The following ARHGAP15 variants were observed in gnomAD, a reference collection of about 807,000 sequenced individuals.
The protein encoded by ARHGAP15 is Rho GTPase activating protein 15, also known as rho GTPase-activating protein 15.
A neutral mutation model predicts 63.7 loss-of-function variants in ARHGAP15; 51 were observed. The ratio of observed to expected loss-of-function variants is 0.80; its 90% CI spans 0.64 to 1.01. The LOEUF (loss-of-function observed/expected upper bound fraction) is 1.01. ARHGAP15 is among the 50% of genes least tolerant of loss of function. ARHGAP15 has a pLI of 0.00. For missense variants in ARHGAP15, 560 were observed against 564.6 expected (o/e 0.99, Z 0.08); for synonymous variants, 191 against 193.8 (o/e 0.99, Z 0.12).
At chr2:143,355,106 G>A (rs1285949066) in intron 6 of ARHGAP15, among the ~76,000 whole-genome samples, 1 of 152,070 alleles carries the variant, frequency 6.6e-6, no homozygotes, top group Non-Finnish European at 1.5e-5. Flanking sequence ...CTCCAGTTTT[G>A]GCTTAAGTAA....
intron 2 of ARHGAP15, among the ~76,000 whole-genome samples, chr2:143,182,824 C>T (rs1317005605): frequency 2.0e-5 from 3 of 152,026 alleles, no homozygotes; most frequent in Non-Finnish European, 1.5e-5. Flanking sequence ...TAACAGGGCA[C>T]CTACTAAGTA....
intron 3 of ARHGAP15, among the ~76,000 whole-genome samples, chr2:143,215,321 G>A (rs565835319): frequency 6.6e-6 from 1 of 152,232 alleles, no homozygotes; most frequent in Admixed American, 6.5e-5. Context: ...GCCCAGGCTG[G>A]TGTCAAACTC....
intron 1 of ARHGAP15, among the ~76,000 whole-genome samples, chr2:143,150,048 G>C (rs1689755423): frequency 1.3e-5 from 2 of 151,912 alleles, no homozygotes; most frequent in African/African-American, 2.4e-5. Context: ...AGGATGCTGG[G>C]GGGTGTGGGC....
chr2:143,309,202 T>C (rs765753600), intron 6 of ARHGAP15, among the ~76,000 whole-genome samples: 1 of 152,094 alleles, frequency 6.6e-6, no homozygotes, highest in Non-Finnish European at 1.5e-5. Context: ...ACCTCTATTT[T>C]TAAAATTTAG....
intron 12 of ARHGAP15, among the ~76,000 whole-genome samples, chr2:143,698,113 A>G (rs891950919): frequency 6.6e-6 from 1 of 152,176 alleles, no homozygotes; most frequent in Non-Finnish European, 1.5e-5. Flanking sequence ...TACATTGATT[A>G]CTGGGATAAA....
chr2:143,340,500 C>T (rs1243191478), intron 6 of ARHGAP15, among the ~76,000 whole-genome samples: 2 of 149,424 alleles, frequency 1.3e-5, no homozygotes, highest in South Asian at 2.1e-4. Context: ...TGATTTTATC[C>T]TAAATTTTTA....
intron 10 of ARHGAP15, among the ~76,000 whole-genome samples, chr2:143,549,685 G>A (rs548463307): frequency 1.4e-4 from 22 of 152,300 alleles, no homozygotes; most frequent in African/African-American, 5.1e-4. Flanking sequence ...AAAAGTTGCT[G>A]GCATCTGAGA....
chr2:143,289,238 G>A (rs983522039), intron 6 of ARHGAP15, among the ~76,000 whole-genome samples: 10 of 152,124 alleles, frequency 6.6e-5, no homozygotes, highest in African/African-American at 2.4e-4. Flanking sequence ...GATGGATCTG[G>A]GCTATGACAA....
chr2:143,254,745 CTA>C (rs1271899722), intron 6 of ARHGAP15, among the ~76,000 whole-genome samples: 2 of 151,992 alleles, frequency 1.3e-5, no homozygotes, highest in Non-Finnish European at 1.5e-5. Flanking sequence ...TACATAGAAA[CTA>C]TATCCCATAC....
At chr2:143,180,470 A>G (rs1264783304) in intron 2 of ARHGAP15, among the ~76,000 whole-genome samples, 1 of 152,136 alleles carries the variant, frequency 6.6e-6, no homozygotes, top group Non-Finnish European at 1.5e-5. Flanking sequence ...TGAACCCCTC[A>G]AAGTCATTCA....
At chr2:143,554,999 C>A (rs1451181136) in intron 10 of ARHGAP15, among the ~76,000 whole-genome samples, 2 of 152,096 alleles carry the variant, frequency 1.3e-5, no homozygotes, top group Non-Finnish European at 2.9e-5. Context: ...TTAGATTATT[C>A]TAGAACTATA....
intron 9 of ARHGAP15, among the ~76,000 whole-genome samples, chr2:143,505,942 C>A (rs1187151160): frequency 6.6e-6 from 1 of 152,186 alleles, no homozygotes; most frequent in Non-Finnish European, 1.5e-5. Context: ...TTTGAGAACA[C>A]CCTTAAGACC....
chr2:143,140,533 G>C (rs914183627), intron 1 of ARHGAP15, among the ~76,000 whole-genome samples: 2 of 152,116 alleles, frequency 1.3e-5, no homozygotes, highest in Non-Finnish European at 2.9e-5. Context: ...TTTGCATGGA[G>C]TGGTAAGGTA....
intron 9 of ARHGAP15, among the ~76,000 whole-genome samples, chr2:143,493,595 C>T (rs1389369573): frequency 1.3e-5 from 2 of 152,146 alleles, no homozygotes; most frequent in Non-Finnish European, 2.9e-5. Context: ...TCATTATGTG[C>T]TTTCATTCTC....
intron 11 of ARHGAP15, among the ~76,000 whole-genome samples, chr2:143,613,144 C>T (rs1016520955): frequency 7.0e-6 from 1 of 143,160 alleles, no homozygotes. Flanking sequence ...AGAAAGATTG[C>T]AAAAGGATCT....
intron 8 of ARHGAP15, among the ~76,000 whole-genome samples, chr2:143,468,226 T>C (rs1385007868): frequency 6.6e-6 from 1 of 152,020 alleles, no homozygotes; most frequent in Non-Finnish European, 1.5e-5. Flanking sequence ...ATTCATCATA[T>C]TTAAGACATG....
chr2:143,223,108 C>A (rs1210895573), intron 4 of ARHGAP15, among the ~76,000 whole-genome samples: 1 of 152,124 alleles, frequency 6.6e-6, no homozygotes, highest in Non-Finnish European at 1.5e-5. Context: ...TCCCAAGTAG[C>A]TGGGATTACA....
intron 11 of ARHGAP15, among the ~76,000 whole-genome samples, chr2:143,620,020 G>C (rs1051367956): frequency 2.0e-5 from 3 of 152,142 alleles, no homozygotes; most frequent in African/African-American, 4.8e-5. Context: ...AAACAACCAG[G>C]CTGGCTTACA....
chr2:143,139,552 C>CTA (rs1263685190), intron 1 of ARHGAP15, among the ~76,000 whole-genome samples: 9 of 152,168 alleles, frequency 5.9e-5, no homozygotes, highest in African/African-American at 2.2e-4. Context: ...TAATGTCTAT[C>CTA]ATCTATTTAT....
Sources: gnomAD v4.1 joint callset for allele counts (sites outside exome capture counted in the v4.1 genomes callset) on GRCh38, gnomAD v4.1.1 for gene constraint, MANE v1.5 for transcripts, NCBI Gene and HGNC (gene_info 2026-07-23, HGNC 2026-07-21) for gene names.